The following CERS3 variants were observed in gnomAD, a reference collection of about 807,000 sequenced individuals.
CERS3 encodes the protein LAG1 homolog, ceramide synthase 3.
In CERS3, 33 loss-of-function variants were observed where a neutral mutation model predicts 50.3. The ratio of observed to expected loss-of-function variants is 0.66; its 90% CI spans 0.50 to 0.88. The LOEUF is 0.88. Among genes scored for constraint, CERS3 ranks in the 40% least tolerant of loss-of-function variants. CERS3 has a pLI of 0.00. For synonymous variants in CERS3, 176 were observed against 155.2 expected, an observed-to-expected ratio of 1.13 and a Z score of -0.99; for missense variants, 470 against 460.3, an observed-to-expected ratio of 1.02 and a Z score of -0.19.
chr15:100,478,180 A>G (rs2035192999), intron 7 of CERS3, among the ~76,000 whole-genome samples: 1 of 152,222 alleles, frequency 6.6e-6, no homozygotes, highest in Non-Finnish European at 1.5e-5. Context: ...GATCCATTAA[A>G]AAATAAAATA....
chr15:100,463,239 A>C (rs528931658), intron 10 of CERS3, among the ~76,000 whole-genome samples: 11 of 152,192 alleles, frequency 7.2e-5, no homozygotes, highest in African/African-American at 2.6e-4. Flanking sequence ...GATCGAGACC[A>C]TCCTGGCCAA....
intron 2 of CERS3, among the ~76,000 whole-genome samples, chr15:100,508,418 A>G (rs1416802292): frequency 6.6e-6 from 1 of 152,196 alleles, no homozygotes; most frequent in Non-Finnish European, 1.5e-5. Flanking sequence ...TGTCAGTAGA[A>G]CAATACTTTT....
chr15:100,484,443 C>G, intron 5 of CERS3, 107 bp downstream of exon 5: 1 of 746,824 alleles, frequency 1.3e-6, no homozygotes, highest in South Asian at 1.6e-5. Flanking sequence ...GGTGACAGAG[C>G]TGGGTCTGAA....
At chr15:100,542,422 A>G (rs1266376311) in intron 1 of CERS3, among the ~76,000 whole-genome samples, 1 of 152,238 alleles carries the variant, frequency 6.6e-6, no homozygotes, top group Non-Finnish European at 1.5e-5. Context: ...CATGGCTTCC[A>G]TAATCGGCAA....
At position 100,473,029 on chromosome 15, in the gene CERS3, G is replaced by A. The variant is rs772185465; in HGVS notation, c.633C>T (p.His211=). ...TCATCAGACTAATAGCAGCCAGGTG[G>A]TGGATGATATGAGCTAGAAAATCCT... ...KRKDFLAHII[H]HLAAISLMSF... The change falls in exon 9 of 12, where the codon CAC becomes CAT. Residue 211 remains histidine (H), a synonymous_variant. Coordinates refer to ENST00000679737, the MANE Select transcript of CERS3 (RefSeq NM_001378789.1). 1.9e-6 allele frequency: 3 copies of A among 1,613,538 alleles called. No homozygotes were observed. Among genetic ancestry groups the A allele is most frequent in the Admixed American group, 3.3e-5 (2 of 59,986 alleles).
At chr15:100,469,554 A>T in intron 9 of CERS3, 70 bp from the exon 10 acceptor site, 1 of 1,087,620 alleles carries the variant, frequency 9.2e-7, no homozygotes, top group Non-Finnish European at 1.4e-6. Context: ...TTTATAAATG[A>T]AATGATATGA....
chr15:100,532,901 C>T (rs930254001), upstream of CERS3, among the ~76,000 whole-genome samples: 1 of 152,172 alleles, frequency 6.6e-6, no homozygotes, highest in Non-Finnish European at 1.5e-5. Flanking sequence ...ATACCTACCC[C>T]GCTCAAATGT....
chr15:100,521,805 G>C (rs1030425485), intron 1 of CERS3, 49 bp from the exon 2 acceptor site: 1 of 152,082 alleles, frequency 6.6e-6, no homozygotes, highest in African/African-American at 2.4e-5. Context: ...ACACAACTGT[G>C]CCCATAAGCG....
chr15:100,498,116 G>C (rs1347755355), intron 3 of CERS3, among the ~76,000 whole-genome samples: 1 of 151,906 alleles, frequency 6.6e-6, no homozygotes, highest in Non-Finnish European at 1.5e-5. Flanking sequence ...GGATGGTCTC[G>C]ATCGCCTGAT....
At chr15:100,426,511 A>G (rs976699120) in intron 11 of CERS3, among the ~76,000 whole-genome samples, 1 of 152,230 alleles carries the variant, frequency 6.6e-6, no homozygotes, top group Non-Finnish European at 1.5e-5. Flanking sequence ...AGGGAAAGAG[A>G]GGGAGAGAGA....
chr15:100,516,387 G>A (rs2036489207), intron 2 of CERS3, among the ~76,000 whole-genome samples: 1 of 152,092 alleles, frequency 6.6e-6, no homozygotes, highest in African/African-American at 2.4e-5. Flanking sequence ...GTGATCTCAG[G>A]CAACTCAATA....
chr15:100,405,242 A>AAC (rs1555517776), intron 11 of CERS3, among the ~76,000 whole-genome samples: 2 of 83,984 alleles, frequency 2.4e-5, no homozygotes, highest in Non-Finnish European at 2.7e-5. Context: ...GTAAAAAAAA[A>AAC]AAAAAACAAA....
At chr15:100,484,458 C>T (rs1274560094) in intron 5 of CERS3, 92 bp downstream of exon 5, 2 of 884,144 alleles carry the variant, frequency 2.3e-6, no homozygotes, top group South Asian at 1.4e-5. Flanking sequence ...TCTGAACCCT[C>T]CCTCTGCTGC....
intron 5 of CERS3, among the ~76,000 whole-genome samples, chr15:100,483,355 CAT>C (rs1245314217): frequency 3.3e-5 from 5 of 152,198 alleles, no homozygotes; most frequent in Non-Finnish European, 2.9e-5. Flanking sequence ...CCACGACTCA[CAT>C]GTTACCCCCT....
chr15:100,451,896 T>C (rs912013898), intron 11 of CERS3, among the ~76,000 whole-genome samples: 1 of 152,112 alleles, frequency 6.6e-6, no homozygotes, highest in Non-Finnish European at 1.5e-5. Context: ...AAAAAGACCA[T>C]TATATAATGA....
chr15:100,484,063 G>A (rs2035411938), intron 5 of CERS3, among the ~76,000 whole-genome samples: 1 of 151,900 alleles, frequency 6.6e-6, no homozygotes, highest in Admixed American at 6.6e-5. Flanking sequence ...GGAGGGCTGG[G>A]GTCATGAGCC....
chr15:100,402,570 T>G lies in CERS3; in HGVS notation c.*143A>C. The G allele has an allele frequency of 4.1e-6, 3 of 740,180 alleles. No homozygotes were observed. Among genetic ancestry groups the G allele is most frequent in the Non-Finnish European group, 6.5e-6 (3 of 462,992 alleles). 45.9% of individuals were successfully genotyped at this position (740,180 alleles called of 1,614,324 possible). On this transcript the variant is annotated 3_prime_UTR_variant, in exon 12 of 12. Transcript: ENST00000679737. ...CATTTTAACACAAGTTAACAACATTTTGGTAAACACATCTTAGGTGGGAGG... is the reference window on the plus strand; with the variant it reads ...CATTTTAACACAAGTTAACAACATTGTGGTAAACACATCTTAGGTGGGAGG...
chr15:100,477,309 T>G (rs2035160993), intron 7 of CERS3, among the ~76,000 whole-genome samples: 1 of 152,190 alleles, frequency 6.6e-6, no homozygotes, highest in Non-Finnish European at 1.5e-5. Context: ...TTTATTGAAT[T>G]CTTTAATGCT....
At chr15:100,435,607 G>A (rs1374980610) in intron 11 of CERS3, among the ~76,000 whole-genome samples, 1 of 152,142 alleles carries the variant, frequency 6.6e-6, no homozygotes, top group Non-Finnish European at 1.5e-5. Context: ...GGCAACAAAA[G>A]CCAGAATTGA....
Sources: allele counts gnomAD v4.1 joint callset (sites outside exome capture counted in the v4.1 genomes callset), GRCh38; gene constraint gnomAD v4.1.1; transcripts MANE v1.5; gene names NCBI Gene and HGNC (gene_info 2026-07-23, HGNC 2026-07-21).